Variants in RAB40C observed in about 807,000 individuals in gnomAD.
The protein encoded by RAB40C is ras-related protein Rab-40C.
Under a neutral mutation model 28.1 loss-of-function variants are expected in RAB40C, and 8 were observed. The ratio of observed to expected loss-of-function variants is 0.28; its 90% CI spans 0.17 to 0.51. The LOEUF (loss-of-function observed/expected upper bound fraction) is 0.51. Among genes scored for constraint, RAB40C ranks in the 20% least tolerant of loss-of-function variants. RAB40C has a pLI of 0.97. For synonymous variants in RAB40C, 201 were observed against 171.7 expected (o/e 1.17, Z -1.34); for missense variants, 288 against 405.9 (o/e 0.71, Z 2.50).
chr16:594,583 C>A (rs1229737237), intron 1 of RAB40C, among the ~76,000 whole-genome samples: 1 of 152,168 alleles, frequency 6.6e-6, no homozygotes, highest in Admixed American at 6.6e-5. Context: ...GTGGCCAATT[C>A]CAGGGGACAC....
intron 1 of RAB40C, among the ~76,000 whole-genome samples, chr16:614,278 A>C (rs1467929231): frequency 8.0e-6 from 1 of 125,552 alleles, no homozygotes; most frequent in Non-Finnish European, 1.6e-5. Context: ...GCCTAACTCT[A>C]CCACATCCCG....
At position 627,915 on chromosome 16, in the gene RAB40C, T is replaced by C; in HGVS notation, c.*293T>C. On this transcript the variant is annotated 3_prime_UTR_variant, in exon 6 of 6. Coordinates refer to ENST00000248139, the MANE Select transcript of RAB40C (RefSeq NM_021168.5). ...ACCGGCGGGGAGCCTGGTTGGCCTT[T>C]CTTATTTATATAGAGAACACTTCAC... 2.4e-6 allele frequency: 1 copy of C among 422,752 alleles called. No homozygotes were observed. The highest frequency in any genetic ancestry group is 4.2e-6 in the Non-Finnish European group (1 of 239,136). The allele number at this position is 422,752 out of a possible 1,614,324, so 26.2% of individuals were successfully genotyped here.
intron 1 of RAB40C, among the ~76,000 whole-genome samples, chr16:600,555 G>A (rs764259817): frequency 1.2e-4 from 18 of 152,146 alleles, no homozygotes; most frequent in African/African-American, 2.4e-4. Context: ...GATCAAGACC[G>A]TTCTGACCAA....
Position 591,174 on chromosome 16 carries a change from G to A in RAB40C, c.142+741G>A, listed in dbSNP as rs191525090. Reference sequence around the variant, plus strand: ...GTGTCATGGGTCTGGGATCTCAGGGGAAGGTGTCATGGGCCTAAGGGAAGG... The same window carrying A: ...GTGTCATGGGTCTGGGATCTCAGGGAAAGGTGTCATGGGCCTAAGGGAAGG... On this transcript the variant is annotated intron_variant, in intron 1 of 5. Coordinates refer to ENST00000248139, the MANE Select transcript of RAB40C (RefSeq NM_021168.5). Among the ~76,000 whole-genome samples, 10 of 146,494 alleles carry A rather than the reference G, an allele frequency of 6.8e-5. No individual in the cohort carries two copies. The East Asian group carries it at 2.0e-3, about 30-fold the overall frequency.
intron 1 of RAB40C, among the ~76,000 whole-genome samples, chr16:599,054 G>T (rs957063649): frequency 2.6e-4 from 39 of 152,330 alleles, no homozygotes; most frequent in African/African-American, 8.2e-4. Flanking sequence ...AGACCTAGCT[G>T]GGAGGGGCGG....
chr16:591,535 A>G (rs980711317), intron 1 of RAB40C, among the ~76,000 whole-genome samples: 6 of 152,150 alleles, frequency 3.9e-5, no homozygotes, highest in African/African-American at 1.4e-4. Flanking sequence ...GTGCTAGAAG[A>G]AAATACCTCT....
intron 1 of RAB40C, among the ~76,000 whole-genome samples, chr16:609,854 G>A (rs759353108): frequency 3.3e-5 from 5 of 152,266 alleles, no homozygotes; most frequent in Admixed American, 1.3e-4. Flanking sequence ...GATGGAGGGC[G>A]GGAGCTGTGT....
In RAB40C at chr16:617,353, C is replaced by T. The variant is rs1322105777; in HGVS notation, c.203+85C>T. The T allele has an allele frequency of 1.3e-5, 20 of 1,518,828 alleles. No homozygotes were observed. The Admixed American group carries it at 1.5e-4, about 11-fold the overall frequency. The allele number at this position is 1,518,828 out of a possible 1,614,324, so 94.1% of individuals were successfully genotyped here. A position where few individuals can be genotyped will look rare whatever the true frequency, so the allele number is the denominator to read the frequency against. On this transcript the variant is annotated intron_variant, in intron 2 of 5. Coordinates refer to ENST00000248139, the MANE Select transcript of RAB40C (RefSeq NM_021168.5). ...CAGAACCCTTAGAGAAACAGGAAGG[C>T]GTCCTGTTTGCATTTCACTTGGAAG...
Position 627,808 on chromosome 16 carries a change from A to G in RAB40C, c.*186A>G. On this transcript the variant is annotated 3_prime_UTR_variant, in exon 6 of 6. Coordinates refer to ENST00000248139, the MANE Select transcript of RAB40C (RefSeq NM_021168.5). ...GCACGGACCAAGCGCGGCAGGCGGG[A>G]GGAGGGGGCGCGGCTGGGCTGCTGG... The G allele has an allele frequency of 1.5e-6, 1 of 663,340 alleles. No individual in the cohort carries two copies. The allele number at this position is 663,340 out of a possible 1,614,324, so 41.1% of individuals were successfully genotyped here.
chr16:624,112 T>G (rs1347113286), intron 3 of RAB40C: 1 of 985,322 alleles, frequency 1.0e-6, no homozygotes, highest in Non-Finnish European at 1.2e-6. Flanking sequence ...GACATTTAAT[T>G]TGTGTCTGGC....
At chr16:602,774 C>G (rs963412308) in intron 1 of RAB40C, among the ~76,000 whole-genome samples, 1 of 152,158 alleles carries the variant, frequency 6.6e-6, no homozygotes, top group African/African-American at 2.4e-5. Flanking sequence ...GCCATGTTGC[C>G]TAGGCTAGTG....
chr16:621,306 G>A (rs1420347219), intron 3 of RAB40C, among the ~76,000 whole-genome samples: 1 of 152,230 alleles, frequency 6.6e-6, no homozygotes, highest in Non-Finnish European at 1.5e-5. Context: ...ATCCAGCCGA[G>A]GTGCAGAGCC....
intron 1 of RAB40C, among the ~76,000 whole-genome samples, chr16:595,695 C>G (rs745481163): frequency 1.3e-5 from 2 of 151,852 alleles, no homozygotes; most frequent in Non-Finnish European, 2.9e-5. Context: ...CTCCACCTCC[C>G]GGGTTCAAGT....
At chr16:607,057 C>T (rs532324119) in intron 1 of RAB40C, among the ~76,000 whole-genome samples, 14 of 152,290 alleles carry the variant, frequency 9.2e-5, no homozygotes, top group East Asian at 1.9e-4. Flanking sequence ...ACTTCCGAGC[C>T]GAGGGTGCTA....
At chr16:591,994 G>T (rs961312116) in intron 1 of RAB40C, among the ~76,000 whole-genome samples, 5 of 152,190 alleles carry the variant, frequency 3.3e-5, no homozygotes, top group Non-Finnish European at 7.3e-5. Context: ...AATTTAGGTG[G>T]TTAACAGAGT....
chr16:625,169 C>T (rs1441153178), intron 3 of RAB40C: 2 of 1,385,498 alleles, frequency 1.4e-6, no homozygotes, highest in South Asian at 1.2e-5. Flanking sequence ...AGGCTGATGG[C>T]TCCAGGGGAG....
chr16:623,415 C>T (rs567753514), intron 3 of RAB40C, among the ~76,000 whole-genome samples: 42 of 149,580 alleles, frequency 2.8e-4, no homozygotes, highest in East Asian at 8.0e-4. Flanking sequence ...TTTGGGAGGC[C>T]GAGGTGGGCA....
intron 1 of RAB40C, among the ~76,000 whole-genome samples, chr16:604,386 A>G (rs1222252743): frequency 1.3e-5 from 2 of 151,752 alleles, no homozygotes; most frequent in African/African-American, 4.8e-5. Flanking sequence ...ATACACGTGA[A>G]TCCTTCTGAA....
At chr16:595,647 G>A (rs1029644031) in intron 1 of RAB40C, among the ~76,000 whole-genome samples, 2 of 147,908 alleles carry the variant, frequency 1.4e-5, no homozygotes, top group Non-Finnish European at 1.5e-5. Context: ...CTGTTGCCCA[G>A]GCCGGAGTGC....
Sources: allele counts gnomAD v4.1 joint callset (sites outside exome capture counted in the v4.1 genomes callset), GRCh38; gene constraint gnomAD v4.1.1; transcripts MANE v1.5; gene names NCBI Gene and HGNC (gene_info 2026-07-23, HGNC 2026-07-21).